CNTN4: variants seen among roughly 807,000 people sequenced by gnomAD.
CNTN4 encodes contactin 4.
CNTN4 carries 77 observed loss-of-function variants against 122.5 expected under a neutral mutation model. The observed-to-expected ratio is 0.63, with a 90% CI of 0.52 to 0.76. CNTN4 has a LOEUF of 0.76. CNTN4 is among the 30% of genes least tolerant of loss of function. CNTN4 has a pLI of 0.00. For synonymous variants in CNTN4, 512 were observed against 447.0 expected (o/e 1.15, Z -1.83); for missense variants, 1,256 against 1,259.1 (o/e 1.00, Z 0.04).
chr3:2,102,383 A>C (rs969748172), intron 2 of CNTN4, among the ~76,000 whole-genome samples: 5 of 152,216 alleles, frequency 3.3e-5, no homozygotes, highest in African/African-American at 1.2e-4. Context: ...CATCTATTTC[A>C]CGGCATCACG....
chr3:2,170,260 C>T (rs1393240496), intron 2 of CNTN4, among the ~76,000 whole-genome samples: 1 of 152,054 alleles, frequency 6.6e-6, no homozygotes, highest in Non-Finnish European at 1.5e-5. Context: ...GCGGAGCTTG[C>T]AGTGAGCCGA....
intron 4 of CNTN4, among the ~76,000 whole-genome samples, chr3:2,617,246 A>C (rs2081792723): frequency 6.6e-6 from 1 of 152,132 alleles, no homozygotes; most frequent in African/African-American, 2.4e-5. Context: ...TACCCATGTG[A>C]CAAAGGCCTA....
chr3:2,306,258 A>C (rs1410590577), intron 2 of CNTN4, among the ~76,000 whole-genome samples: 2 of 152,302 alleles, frequency 1.3e-5, no homozygotes, highest in Middle Eastern at 3.4e-3. Flanking sequence ...GCAACAATGC[A>C]TGAGGGTTTT....
intron 2 of CNTN4, among the ~76,000 whole-genome samples, chr3:2,310,815 A>C (rs1487988297): frequency 6.6e-6 from 1 of 152,120 alleles, no homozygotes; most frequent in Non-Finnish European, 1.5e-5. Flanking sequence ...ATAATACAGA[A>C]ATAAAAGGAT....
chr3:2,786,262 C>A (rs1364670768), intron 6 of CNTN4, among the ~76,000 whole-genome samples: 1 of 152,082 alleles, frequency 6.6e-6, no homozygotes, highest in Non-Finnish European at 1.5e-5. Context: ...TCACACTGAC[C>A]CTCCACTGAG....
At chr3:2,528,451 C>T (rs2077480305) in intron 3 of CNTN4, among the ~76,000 whole-genome samples, 1 of 152,050 alleles carries the variant, frequency 6.6e-6, no homozygotes, top group South Asian at 2.1e-4. Flanking sequence ...AAATCATTCC[C>T]ATTAAAACAA....
chr3:2,370,983 C>G (rs2045611158), intron 3 of CNTN4, among the ~76,000 whole-genome samples: 1 of 152,152 alleles, frequency 6.6e-6, no homozygotes, highest in African/African-American at 2.4e-5. Context: ...TCTTGCATTG[C>G]TTGGCAATTT....
chr3:2,942,415 G>A (rs1241817908), intron 13 of CNTN4, among the ~76,000 whole-genome samples: 1 of 152,166 alleles, frequency 6.6e-6, no homozygotes, highest in African/African-American at 2.4e-5. Flanking sequence ...TAATTATCGT[G>A]TTTATAAAAT....
intron 3 of CNTN4, among the ~76,000 whole-genome samples, chr3:2,537,958 CT>C (rs1451266289): frequency 5.3e-5 from 8 of 152,000 alleles, no homozygotes; most frequent in Non-Finnish European, 8.8e-5. Flanking sequence ...GCTCCTCCCC[CT>C]ACCCCCAAAA....
intron 2 of CNTN4, among the ~76,000 whole-genome samples, chr3:2,228,395 T>A (rs1233412666): frequency 3.3e-5 from 5 of 152,304 alleles, no homozygotes; most frequent in Non-Finnish European, 2.9e-5. Flanking sequence ...CTCACTCATT[T>A]GTTTAAGTAT....
intron 12 of CNTN4, among the ~76,000 whole-genome samples, chr3:2,921,196 C>A (rs115676189): frequency 3.3e-4 from 50 of 152,316 alleles, no homozygotes; most frequent in African/African-American, 1.2e-3. Context: ...CACCACTACA[C>A]CTGGCTAATG....
chr3:2,333,717 G>C (rs1432822950), intron 2 of CNTN4, among the ~76,000 whole-genome samples: 1 of 152,154 alleles, frequency 6.6e-6, no homozygotes, highest in Admixed American at 6.5e-5. Flanking sequence ...GATTAGAAAT[G>C]CATCCCAATT....
intron 2 of CNTN4, among the ~76,000 whole-genome samples, chr3:2,148,286 C>CA (rs1001791037): frequency 6.6e-6 from 1 of 152,018 alleles, no homozygotes; most frequent in African/African-American, 2.4e-5. Flanking sequence ...ATAATCTCAG[C>CA]ACTTTGGGAG....
At position 2,322,942 on chromosome 3, in the gene CNTN4, A is replaced by G. The variant is rs527305871; in HGVS notation, c.-144-16236A>G. ...TCTCAGATTGGTGGATTTCACATTG[A>G]TGGAATACTGGAGGATTACCGAAGT... is the stretch of plus-strand genomic sequence containing the variant. On this transcript the variant is annotated intron_variant, in intron 2 of 24. Coordinates refer to ENST00000418658, the MANE Select transcript of CNTN4 (RefSeq NM_175607.3). Among the ~76,000 whole-genome samples, 13 of 152,216 alleles carry G rather than the reference A, an allele frequency of 8.5e-5. No individual in the cohort carries two copies. In the South Asian group the frequency reaches 2.7e-3, roughly 32 times the overall value.
chr3:3,037,715 C>T (rs1480605887), intron 18 of CNTN4: 1 of 317,650 alleles, frequency 3.1e-6, no homozygotes, highest in Non-Finnish European at 6.1e-6. Flanking sequence ...GCTCTGGACA[C>T]AGCCACCATG....
intron 13 of CNTN4, among the ~76,000 whole-genome samples, chr3:2,959,519 C>T (rs2094832168): frequency 6.6e-6 from 1 of 151,984 alleles, no homozygotes; most frequent in Non-Finnish European, 1.5e-5. Flanking sequence ...CATTGAGGAG[C>T]TTACCCTTGG....
chr3:2,887,810 A>G (rs972304254), intron 10 of CNTN4, among the ~76,000 whole-genome samples: 30 of 152,282 alleles, frequency 2.0e-4, no homozygotes, highest in African/African-American at 7.0e-4. Context: ...AACAATATAA[A>G]TGTAAAACCA....
At chr3:2,463,121 A>T (rs2049290407) in intron 3 of CNTN4, among the ~76,000 whole-genome samples, 1 of 152,172 alleles carries the variant, frequency 6.6e-6, no homozygotes, top group Admixed American at 6.6e-5. Flanking sequence ...GATGACTAAA[A>T]GTGTCTTGTC....
At chr3:2,148,539 A>AG (rs2035351386) in intron 2 of CNTN4, among the ~76,000 whole-genome samples, 1 of 151,326 alleles carries the variant, frequency 6.6e-6, no homozygotes, top group Non-Finnish European at 1.5e-5. Context: ...TCTCAAAAAA[A>AG]AAAAGAAAAG....
Sources: gnomAD v4.1 joint callset for allele counts (sites outside exome capture counted in the v4.1 genomes callset) on GRCh38, gnomAD v4.1.1 for gene constraint, MANE v1.5 for transcripts, NCBI Gene and HGNC (gene_info 2026-07-23, HGNC 2026-07-21) for gene names.